DLG1: variants seen among roughly 807,000 people sequenced by gnomAD.
DLG1 encodes the protein discs large MAGUK scaffold protein 1.
A neutral mutation model predicts 123.4 loss-of-function variants in DLG1; 42 were observed. The observed-to-expected ratio is 0.34, with a 90% confidence interval of 0.27 to 0.44. DLG1 has a LOEUF of 0.44. DLG1 is among the 20% of genes least tolerant of loss of function. The pLI is 1.00. For synonymous variants in DLG1, 317 were observed against 356.2 expected (o/e 0.89, Z 1.24); for missense variants, 942 against 1,082.6 (o/e 0.87, Z 1.82).
At chr3:197,143,985 C>G (rs1460587854) in intron 6 of DLG1, among the ~76,000 whole-genome samples, 1 of 152,166 alleles carries the variant, frequency 6.6e-6, no homozygotes, top group Non-Finnish European at 1.5e-5. Context: ...TGAATCCTTC[C>G]TTTAAAATTT....
At chr3:197,179,246 T>C (rs1462218082) in intron 5 of DLG1, among the ~76,000 whole-genome samples, 1 of 152,092 alleles carries the variant, frequency 6.6e-6, no homozygotes, top group Non-Finnish European at 1.5e-5. Flanking sequence ...CATGATATGT[T>C]TGGGGGATGC....
chr3:197,227,238 G>A (rs535712497), intron 4 of DLG1, among the ~76,000 whole-genome samples: 3 of 152,186 alleles, frequency 2.0e-5, no homozygotes, highest in East Asian at 3.9e-4. Context: ...TCAGGTGGCC[G>A]AGGTGGGTGG....
At chr3:197,298,041 T>C in intron 1 of DLG1, 1 of 581,448 alleles carries the variant, frequency 1.7e-6, no homozygotes. Context: ...CTCGCCCAGT[T>C]GCTGCCGCAC....
At chr3:197,223,344 C>T (rs773045265) in intron 4 of DLG1, among the ~76,000 whole-genome samples, 18 of 152,150 alleles carry the variant, frequency 1.2e-4, no homozygotes, top group Non-Finnish European at 2.2e-4. Flanking sequence ...TTCCAAGATT[C>T]TATAGTAAAC....
intron 1 of DLG1, chr3:197,297,917 G>A (rs1778304302): frequency 6.1e-6 from 6 of 983,708 alleles, no homozygotes; most frequent in South Asian, 4.7e-5. Flanking sequence ...CCGCGGAGCC[G>A]AGCGGAGGGG....
chr3:197,150,759 G>A (rs944970145), intron 5 of DLG1, among the ~76,000 whole-genome samples: 1 of 152,062 alleles, frequency 6.6e-6, no homozygotes, highest in East Asian at 1.9e-4. Context: ...TTTTAATAAA[G>A]GGGAATATTC....
intron 4 of DLG1, among the ~76,000 whole-genome samples, chr3:197,255,004 C>A (rs1022785835): frequency 6.6e-6 from 1 of 151,780 alleles, no homozygotes; most frequent in Non-Finnish European, 1.5e-5. Flanking sequence ...TGCAGTGAGC[C>A]GAGATCACGC....
upstream of DLG1, among the ~76,000 whole-genome samples, chr3:197,298,787 T>C (rs2151321724): frequency 6.6e-6 from 1 of 152,068 alleles, no homozygotes; most frequent in Middle Eastern, 3.4e-3. Context: ...AGTAATAGGC[T>C]TGGGGGGAGG....
At chr3:197,187,995 T>C (rs1234232200) in intron 5 of DLG1, among the ~76,000 whole-genome samples, 1 of 152,122 alleles carries the variant, frequency 6.6e-6, no homozygotes. Context: ...ACTATCTTAC[T>C]TTACTCATTA....
chr3:197,288,743 A>AAAAC (rs1553827364), intron 3 of DLG1, among the ~76,000 whole-genome samples: 2 of 72,078 alleles, frequency 2.8e-5, no homozygotes, highest in Non-Finnish European at 4.8e-5. Context: ...AAAAAAAAAA[A>AAAAC]ATACATACAT....
intron 5 of DLG1, among the ~76,000 whole-genome samples, chr3:197,180,280 A>T (rs1331591104): frequency 2.6e-5 from 4 of 152,198 alleles, no homozygotes; most frequent in African/African-American, 9.7e-5. Flanking sequence ...AGTAAAGTCT[A>T]GCAGCACTGT....
intron 23 of DLG1, among the ~76,000 whole-genome samples, chr3:197,056,153 A>T (rs1283785161): frequency 6.6e-6 from 1 of 152,162 alleles, no homozygotes; most frequent in Non-Finnish European, 1.5e-5. Flanking sequence ...AAAATGGTGA[A>T]CAGAGATCCG....
intron 4 of DLG1, among the ~76,000 whole-genome samples, chr3:197,237,351 G>A (rs1746508301): frequency 6.6e-6 from 1 of 152,160 alleles, no homozygotes; most frequent in Non-Finnish European, 1.5e-5. Flanking sequence ...CTGAAGAAAT[G>A]AGCAACCCAG....
intron 23 of DLG1, among the ~76,000 whole-genome samples, chr3:197,052,690 A>C (rs921553416): frequency 2.6e-5 from 4 of 152,158 alleles, no homozygotes; most frequent in African/African-American, 9.7e-5. Flanking sequence ...AAGGGGACAA[A>C]CAACCATATA....
At chr3:197,217,904 G>C (rs970623480) in intron 4 of DLG1, among the ~76,000 whole-genome samples, 1 of 152,176 alleles carries the variant, frequency 6.6e-6, no homozygotes, top group African/African-American at 2.4e-5. Context: ...AACACTTAAA[G>C]ACGCTGTACT....
At chr3:197,097,870 G>A (rs760791851) in intron 14 of DLG1, among the ~76,000 whole-genome samples, 4 of 151,890 alleles carry the variant, frequency 2.6e-5, no homozygotes, top group East Asian at 3.8e-4. Context: ...GTGAGCCACC[G>A]CGCCCAACCC....
Position 197,297,352 on chromosome 3 carries a change from C to T in DLG1, c.-31-117G>A, listed in dbSNP as rs561477925. 5 of 1,487,420 alleles carry T rather than the reference C, an allele frequency of 3.4e-6. No homozygotes were observed. In the South Asian group the frequency reaches 6.7e-5, roughly 20 times the overall value. The allele number at this position is 1,487,420 out of a possible 1,614,324, so 92.1% of individuals were successfully genotyped here. Reference sequence around the variant, plus strand: ...GAAAACCCCACGTTCCAAAGTTTTACCAAGTCAAAGAAAGAGTCTCAAAAC... The same window carrying T: ...GAAAACCCCACGTTCCAAAGTTTTATCAAGTCAAAGAAAGAGTCTCAAAAC... On this transcript the variant is annotated intron_variant, in intron 1 of 24. Coordinates refer to ENST00000667157, the MANE Select transcript of DLG1 (RefSeq NM_001366207.1).
At chr3:197,255,349 G>A (rs1396176946) in intron 4 of DLG1, among the ~76,000 whole-genome samples, 2 of 152,160 alleles carry the variant, frequency 1.3e-5, no homozygotes, top group Admixed American at 6.5e-5. Flanking sequence ...CTTAATCACA[G>A]TGCTTATGAA....
At chr3:197,271,138 T>C (rs1220058007) in intron 4 of DLG1, among the ~76,000 whole-genome samples, 1 of 152,192 alleles carries the variant, frequency 6.6e-6, no homozygotes, top group African/African-American at 2.4e-5. Context: ...CCTTTCATCC[T>C]GAGCAGCCCC....
Sources: allele counts gnomAD v4.1 joint callset (sites outside exome capture counted in the v4.1 genomes callset), GRCh38; gene constraint gnomAD v4.1.1; transcripts MANE v1.5; gene names NCBI Gene and HGNC (gene_info 2026-07-23, HGNC 2026-07-21).